ROBO2: variants seen among roughly 807,000 people sequenced by gnomAD.
ROBO2 encodes the protein roundabout guidance receptor 2.
Under a neutral mutation model 160.8 loss-of-function variants are expected in ROBO2, and 53 were observed. The ratio of observed to expected loss-of-function variants is 0.33; its 90% CI spans 0.26 to 0.41. The LOEUF (loss-of-function observed/expected upper bound fraction) is 0.41. Among genes scored for constraint, ROBO2 ranks in the 10% least tolerant of loss-of-function variants. The pLI is 1.00. For synonymous variants in ROBO2, 664 were observed against 611.7 expected, an observed-to-expected ratio of 1.09 and a Z score of -1.26; for missense variants, 1,577 against 1,722.4, an observed-to-expected ratio of 0.92 and a Z score of 1.49.
chr3:76,371,794 A>G (rs1189200120), intron 2 of ROBO2, among the ~76,000 whole-genome samples: 3 of 152,084 alleles, frequency 2.0e-5, no homozygotes, highest in Non-Finnish European at 4.4e-5. Flanking sequence ...GGTTACTATA[A>G]TATTAAATTT....
At chr3:77,445,470 C>T (rs1436836751) in intron 2 of ROBO2, among the ~76,000 whole-genome samples, 1 of 152,048 alleles carries the variant, frequency 6.6e-6, no homozygotes, top group Non-Finnish European at 1.5e-5. Context: ...TTTATACTCT[C>T]ATCCTTAAAT....
At chr3:77,225,323 A>T (rs2086346338) in intron 2 of ROBO2, among the ~76,000 whole-genome samples, 2 of 151,858 alleles carry the variant, frequency 1.3e-5, no homozygotes, top group South Asian at 2.1e-4. Flanking sequence ...TTTTTCAAAG[A>T]TATTTCCTCC....
chr3:77,136,063 A>AT (rs1280031251), intron 2 of ROBO2, among the ~76,000 whole-genome samples: 1 of 152,120 alleles, frequency 6.6e-6, no homozygotes, highest in Non-Finnish European at 1.5e-5. Flanking sequence ...ATAAAGATAT[A>AT]TTTTTTACCA....
chr3:76,607,439 C>T (rs1238122705), intron 2 of ROBO2, among the ~76,000 whole-genome samples: 2 of 152,144 alleles, frequency 1.3e-5, no homozygotes, highest in African/African-American at 2.4e-5. Flanking sequence ...AATACCTTGT[C>T]TTACAAAGTT....
intron 2 of ROBO2, among the ~76,000 whole-genome samples, chr3:76,770,362 T>C (rs1009779577): frequency 1.3e-5 from 2 of 151,346 alleles, no homozygotes; most frequent in Non-Finnish European, 3.0e-5. Context: ...TGATGGAAAA[T>C]ACAACCACTC....
intron 2 of ROBO2, among the ~76,000 whole-genome samples, chr3:77,023,979 T>A (rs575950371): frequency 6.6e-6 from 1 of 152,336 alleles, no homozygotes; most frequent in Non-Finnish European, 1.5e-5. Flanking sequence ...TTAATTTAAA[T>A]GCTTCAAGTA....
intron 4 of ROBO2, among the ~76,000 whole-genome samples, chr3:77,490,349 G>C (rs930042835): frequency 7.2e-5 from 11 of 151,816 alleles, no homozygotes; most frequent in South Asian, 2.1e-4. Flanking sequence ...CTCGGCCTCC[G>C]AAAGTGCTGG....
At chr3:76,265,539 C>T (rs1707045351) in intron 2 of ROBO2, among the ~76,000 whole-genome samples, 1 of 152,128 alleles carries the variant, frequency 6.6e-6, no homozygotes, top group South Asian at 2.1e-4. Flanking sequence ...AATCACTCAA[C>T]TCAATTTCTT....
chr3:77,452,477 G>T (rs1347021408), intron 2 of ROBO2, among the ~76,000 whole-genome samples: 4 of 152,168 alleles, frequency 2.6e-5, no homozygotes, highest in African/African-American at 9.7e-5. Flanking sequence ...AAGTGCAGCA[G>T]ACACTCATTC....
At chr3:76,968,477 T>C (rs181891299) in intron 2 of ROBO2, among the ~76,000 whole-genome samples, 18 of 152,282 alleles carry the variant, frequency 1.2e-4, no homozygotes, top group Admixed American at 6.5e-4. Context: ...ATAACATGCA[T>C]ATAATCAATA....
intron 2 of ROBO2, chr3:76,434,684 C>A: frequency 8.8e-7 from 1 of 1,133,194 alleles, no homozygotes; most frequent in Non-Finnish European, 1.3e-6. Flanking sequence ...TGGATCAGGT[C>A]CTCCTCCCCG....
chr3:77,271,678 G>T (rs2059499658), intron 2 of ROBO2, among the ~76,000 whole-genome samples: 2 of 152,202 alleles, frequency 1.3e-5, no homozygotes, highest in African/African-American at 2.4e-5. Context: ...AATCAAAAGT[G>T]AGAAAATTCA....
chr3:76,798,140 GAGAA>G (rs146844266), intron 2 of ROBO2, among the ~76,000 whole-genome samples: 54,987 of 115,248 alleles, frequency 0.48, 13,064 homozygotes, highest in African/African-American at 0.59. Context: ...AAAGAAGAAA[GAGAA>G]AGAAAGAAAG....
chr3:77,569,562 C>A (rs1199291856), intron 13 of ROBO2, among the ~76,000 whole-genome samples: 1 of 151,702 alleles, frequency 6.6e-6, no homozygotes, highest in East Asian at 1.9e-4. Flanking sequence ...TTTTGTTTGT[C>A]TTCTTATTAT....
chr3:77,294,814 C>G (rs1485922706), intron 2 of ROBO2, among the ~76,000 whole-genome samples: 1 of 110,202 alleles, frequency 9.1e-6, no homozygotes, highest in Non-Finnish European at 1.9e-5. Context: ...CTAGATCACC[C>G]CAGACATAAA....
intron 2 of ROBO2, among the ~76,000 whole-genome samples, chr3:77,371,257 T>C (rs1483689530): frequency 6.6e-6 from 1 of 152,222 alleles, no homozygotes; most frequent in Non-Finnish European, 1.5e-5. Flanking sequence ...TATGCACTTT[T>C]CTGAATGATT....
At chr3:76,142,915 A>G (rs1017637893) in intron 2 of ROBO2, among the ~76,000 whole-genome samples, 7 of 152,012 alleles carry the variant, frequency 4.6e-5, no homozygotes, top group Admixed American at 3.9e-4. Context: ...CGCATGCCTC[A>G]TAAACACACA....
At chr3:76,945,839 A>G (rs570640228) in intron 2 of ROBO2, among the ~76,000 whole-genome samples, 374 of 152,258 alleles carry the variant, frequency 2.5e-3, no homozygotes, top group Middle Eastern at 3.4e-3. Context: ...GCTTTTGAAC[A>G]TATTGGATAT....
chr3:77,346,742 A>T (rs962269242), intron 2 of ROBO2, among the ~76,000 whole-genome samples: 1 of 152,050 alleles, frequency 6.6e-6, no homozygotes. Context: ...GTTAGTTCTC[A>T]CCTTCTAGTG....
Sources: gnomAD v4.1 joint callset for allele counts (sites outside exome capture counted in the v4.1 genomes callset) on GRCh38, gnomAD v4.1.1 for gene constraint, MANE v1.5 for transcripts, NCBI Gene and HGNC (gene_info 2026-07-23, HGNC 2026-07-21) for gene names.